Variants in SNAP91 observed in about 807,000 individuals in gnomAD.
SNAP91 encodes the protein clathrin coat assembly protein AP180.
Under a neutral mutation model 100.3 loss-of-function variants are expected in SNAP91, and 27 were observed. The observed-to-expected ratio is 0.27, with a 90% CI of 0.20 to 0.37. The LOEUF (loss-of-function observed/expected upper bound fraction) is 0.37. Ranked by LOEUF, SNAP91 falls within the 10% of genes least tolerant of loss-of-function variation. The pLI, the probability that SNAP91 is intolerant of heterozygous loss-of-function variation, is 1.00. For synonymous variants in SNAP91, 404 were observed against 398.6 expected (o/e 1.01, Z -0.16); for missense variants, 986 against 1,123.7 (o/e 0.88, Z 1.75).
At chr6:83,686,185 T>G (rs1254376014) in intron 2 of SNAP91, 3 of 985,362 alleles carry the variant, frequency 3.0e-6, no homozygotes, top group Middle Eastern at 5.2e-4. Flanking sequence ...TGTTTTTTGT[T>G]TTTTCTTGTC....
Position 83,596,375 on chromosome 6 carries a change from A to C in SNAP91, c.1325-1894T>G, listed in dbSNP as rs760909837. Among the ~76,000 whole-genome samples the C allele has an allele frequency of 5.3e-5, 8 of 152,228 alleles. 1 individual carries two copies. The East Asian group carries it at 1.5e-3, about 29-fold the overall frequency. Reference sequence around the variant, plus strand: ...TTAGAGCAACACACCCTCTACAAGCAGGGCAGAAGAATGTAAGAGAAGTAT... The same window carrying C: ...TTAGAGCAACACACCCTCTACAAGCCGGGCAGAAGAATGTAAGAGAAGTAT... On this transcript the variant is annotated intron_variant, in intron 16 of 29. Coordinates refer to ENST00000369694, the MANE Select transcript of SNAP91 (RefSeq NM_001242792.2).
In SNAP91 at chr6:83,671,795, T is replaced by G. The variant is rs78936502; in HGVS notation, c.131-6214A>C. On this transcript the variant is annotated intron_variant, in intron 2 of 29. Transcript: ENST00000369694. ...AATAGTTCTCAAATTTGTGGTCACCTACTTCTTTTCCCACTACTATATGAG... is the reference window on the plus strand; with the variant it reads ...AATAGTTCTCAAATTTGTGGTCACCGACTTCTTTTCCCACTACTATATGAG... Among the ~76,000 whole-genome samples the G allele has an allele frequency of 1.6e-4, 24 of 152,244 alleles. No individual in the cohort carries two copies. The East Asian group carries it at 4.6e-3, about 29-fold the overall frequency.
intron 2 of SNAP91, among the ~76,000 whole-genome samples, chr6:83,679,323 C>T (rs961028530): frequency 2.6e-5 from 4 of 152,102 alleles, no homozygotes; most frequent in Non-Finnish European, 5.9e-5. Flanking sequence ...CATAAATATC[C>T]TTAATTCCTA....
At chr6:83,697,255 T>A (rs1177447813) in intron 2 of SNAP91, among the ~76,000 whole-genome samples, 1 of 149,698 alleles carries the variant, frequency 6.7e-6, no homozygotes, top group Non-Finnish European at 1.5e-5. Context: ...ATATATGTAG[T>A]TATAAATTAT....
intron 2 of SNAP91, among the ~76,000 whole-genome samples, chr6:83,666,525 C>T (rs1269446912): frequency 6.6e-6 from 1 of 152,080 alleles, no homozygotes; most frequent in Admixed American, 6.6e-5. Flanking sequence ...GCGCTTGCAA[C>T]AAACATGCAC....
intron 16 of SNAP91, among the ~76,000 whole-genome samples, chr6:83,600,784 A>G (rs913024815): frequency 1.3e-5 from 2 of 152,210 alleles, no homozygotes; most frequent in African/African-American, 4.8e-5. Flanking sequence ...CACATCCCTT[A>G]ACTCTCTTCA....
intron 22 of SNAP91, among the ~76,000 whole-genome samples, chr6:83,583,018 C>G (rs1284368565): frequency 6.6e-6 from 1 of 152,198 alleles, no homozygotes; most frequent in African/African-American, 2.4e-5. Context: ...AGCTTCCCAT[C>G]ATTTTTCAGT....
intron 16 of SNAP91, among the ~76,000 whole-genome samples, chr6:83,597,271 C>T (rs1183300015): frequency 1.3e-5 from 2 of 152,164 alleles, no homozygotes; most frequent in East Asian, 3.8e-4. Context: ...ACTGCAGCCA[C>T]AAAAGAGACC....
chr6:83,606,879 C>A (rs1289971861), intron 13 of SNAP91, among the ~76,000 whole-genome samples: 2 of 152,032 alleles, frequency 1.3e-5, no homozygotes, highest in Non-Finnish European at 2.9e-5. Flanking sequence ...TTGTAAGAAG[C>A]AATTTAATTA....
chr6:83,607,546 C>T (rs1458657237), intron 13 of SNAP91, among the ~76,000 whole-genome samples, 153 bp downstream of exon 13: 2 of 152,050 alleles, frequency 1.3e-5, no homozygotes, highest in African/African-American at 2.4e-5. Flanking sequence ...TTAAGAGGCA[C>T]AGGAGTAAAA....
chr6:83,561,345 G>A (rs776630105), intron 26 of SNAP91, among the ~76,000 whole-genome samples: 13 of 152,132 alleles, frequency 8.5e-5, no homozygotes, highest in Admixed American at 4.6e-4. Flanking sequence ...GTACCAAGCC[G>A]AACATAATTT....
At chr6:83,636,422 G>A (rs948379399) in intron 8 of SNAP91, among the ~76,000 whole-genome samples, 1 of 152,038 alleles carries the variant, frequency 6.6e-6, no homozygotes, top group African/African-American at 2.4e-5. Flanking sequence ...TCGTCTTCAA[G>A]CTCTGAAATT....
At chr6:83,658,095 T>A (rs2098451695) in intron 6 of SNAP91, among the ~76,000 whole-genome samples, 1 of 152,088 alleles carries the variant, frequency 6.6e-6, no homozygotes, top group African/African-American at 2.4e-5. Context: ...TTCTTCAAAA[T>A]TAATTTTTTT....
chr6:83,624,682 A>G (rs2096862583), intron 8 of SNAP91, among the ~76,000 whole-genome samples: 1 of 151,954 alleles, frequency 6.6e-6, no homozygotes, highest in Non-Finnish European at 1.5e-5. Context: ...TACCCACAGG[A>G]TGCTAGTAGA....
intron 2 of SNAP91, chr6:83,690,277 C>T: frequency 8.5e-7 from 1 of 1,173,932 alleles, no homozygotes; most frequent in Non-Finnish European, 1.1e-6. Context: ...TACTGTGATC[C>T]AAAACAAATG....
chr6:83,587,938 C>A (rs2093038385), intron 22 of SNAP91, among the ~76,000 whole-genome samples: 2 of 151,980 alleles, frequency 1.3e-5, no homozygotes, highest in South Asian at 4.2e-4. Flanking sequence ...AAATTAGCCC[C>A]CAAAATTAAG....
Position 83,688,595 on chromosome 6 carries a change from C to A in SNAP91, c.130+19203G>T, listed in dbSNP as rs552330634. ...CTCGGCTCACTGCAGCCGCCACATC[C>A]CAGGTTCAAGCGATTCTCCTGCCTC... On this transcript the variant is annotated intron_variant, in intron 2 of 29. Coordinates refer to ENST00000369694, the MANE Select transcript of SNAP91 (RefSeq NM_001242792.2). 2.9e-3 allele frequency among the ~76,000 whole-genome samples: 446 copies of A among 151,750 alleles called. 2 individuals are homozygous for A. Among genetic ancestry groups the A allele is most frequent in the Non-Finnish European group, 5.1e-3 (346 of 67,948 alleles).
intron 3 of SNAP91, among the ~76,000 whole-genome samples, chr6:83,664,292 G>C (rs1377673228): frequency 6.6e-6 from 1 of 152,088 alleles, no homozygotes; most frequent in African/African-American, 2.4e-5. Flanking sequence ...ATTTTGTAAG[G>C]CTATAGCTAC....
intron 2 of SNAP91, among the ~76,000 whole-genome samples, chr6:83,698,863 A>T (rs1319287117): frequency 6.6e-6 from 1 of 152,254 alleles, no homozygotes; most frequent in African/African-American, 2.4e-5. Context: ...CCATAATATG[A>T]CAATATTTTT....
Sources: allele counts gnomAD v4.1 joint callset (sites outside exome capture counted in the v4.1 genomes callset), GRCh38; gene constraint gnomAD v4.1.1; transcripts MANE v1.5; gene names NCBI Gene and HGNC (gene_info 2026-07-23, HGNC 2026-07-21).